The following KDM3A variants were observed in gnomAD, a reference collection of about 807,000 sequenced individuals.
KDM3A encodes lysine demethylase 3A, also known as lysine-specific demethylase 3A.
In KDM3A, 60 loss-of-function variants were observed where a neutral mutation model predicts 158.0. That is an observed-to-expected ratio of 0.38 (90% CI 0.31 to 0.47). The LOEUF (loss-of-function observed/expected upper bound fraction) is 0.47. KDM3A is among the 20% of genes least tolerant of loss of function. The probability of loss-of-function intolerance (pLI) is 0.99; values close to 1 mark genes in which losing one functional copy is unlikely to be tolerated. For missense variants in KDM3A, 1,319 were observed against 1,574.3 expected, an observed-to-expected ratio of 0.84 and a Z score of 2.74; for synonymous variants, 608 against 549.3, an observed-to-expected ratio of 1.11 and a Z score of -1.49.
intron 2 of KDM3A, among the ~76,000 whole-genome samples, chr2:86,447,061 C>T (rs1682985207): frequency 6.6e-6 from 1 of 152,230 alleles, no homozygotes; most frequent in Non-Finnish European, 1.5e-5. Context: ...ATCCTCCTGT[C>T]TTGGCCTCCC....
Position 86,455,093 on chromosome 2 carries a change from C to T in KDM3A, c.462C>T (p.Asn154=), listed in dbSNP as rs567690611. The part of the protein sequence containing the change: ...KDLLKPIQDV[N]SLRLSLTDNQ... ...GATCTTTCATTTTTCAGGATGTAAA[C>T]AGTCTTCGACTTTCTCTTACGGATA... The change falls in exon 5 of 26, where the codon AAC becomes AAT. Residue 154 remains asparagine, a synonymous_variant. Transcript: ENST00000312912. 4 of 1,572,710 alleles carry T rather than the reference C, an allele frequency of 2.5e-6. 1 individual carries two copies. Among genetic ancestry groups the T allele is most frequent in the African/African-American group, 2.7e-5 (2 of 72,860 alleles).
Position 86,482,543 on chromosome 2 carries a change from C to T in KDM3A, c.2771C>T (p.Ser924Phe). The T allele has an allele frequency of 6.2e-7, 1 of 1,614,154 alleles. No individual in the cohort carries two copies. Among genetic ancestry groups the T allele is most frequent in the Non-Finnish European group, 8.5e-7 (1 of 1,180,018 alleles). ...CAAAATAAGACGACTTCTGATTTAT[C>T]TAAGAGGCCTCAAGGACTAACCATC... ...LVQNKTTSDL[S>F]KRPQGLTIKP... Residue 924 changes from serine to phenylalanine, a missense_variant, in exon 18 of 26, where the codon TCT becomes TTT. Around this residue, in one of 4 missense-constraint regions of KDM3A, gnomAD observed 368 missense variants for 415.8 expected, o/e 0.89. Coordinates refer to ENST00000312912, the MANE Select transcript of KDM3A (RefSeq NM_018433.6).
At chr2:86,459,582 T>C (rs1171524484) in intron 8 of KDM3A, among the ~76,000 whole-genome samples, 1 of 152,122 alleles carries the variant, frequency 6.6e-6, no homozygotes, top group Admixed American at 6.6e-5. Context: ...CAAGCAGAAC[T>C]GAGGTCAGTG....
intron 12 of KDM3A, among the ~76,000 whole-genome samples, chr2:86,476,165 T>C (rs1573192781): frequency 6.6e-6 from 1 of 152,222 alleles, no homozygotes; most frequent in Admixed American, 6.5e-5. Context: ...TTATTAAATA[T>C]ATTTAAGTAA....
chr2:86,482,534 C>G lies in KDM3A; in HGVS notation c.2762C>G (p.Ser921Cys), dbSNP rs1411470796. 1 of 1,614,208 alleles carries G rather than the reference C, an allele frequency of 6.2e-7. No homozygotes were observed. ...FASLVQNKTT[S>C]DLSKRPQGLT... ...TCTTTGGTGCAAAATAAGACGACTT[C>G]TGATTTATCTAAGAGGCCTCAAGGA... The change falls in exon 18 of 26, where the codon TCT (serine) becomes TGT (cysteine). Residue 921 changes from serine (S) to cysteine (C), a missense_variant. By Grantham distance (112) the Ser-to-Cys change is moderately radical (BLOSUM62 -1). Transcript: ENST00000312912.
Position 86,480,150 on chromosome 2 carries a change from T to C in KDM3A, c.2317-17T>C. 2 of 1,603,796 alleles carry C rather than the reference T, an allele frequency of 1.2e-6. No individual in the cohort carries two copies. Among genetic ancestry groups the C allele is most frequent in the Non-Finnish European group, 1.7e-6 (2 of 1,173,004 alleles). On this transcript the variant is annotated splice_polypyrimidine_tract_variant and intron_variant, in intron 15 of 25. Coordinates refer to ENST00000312912, the MANE Select transcript of KDM3A (RefSeq NM_018433.6). ...TTCTTCAGCTTATGTAAAATCGTCC[T>C]TTAATGCTTAACACAGACTTCTTTA...
chr2:86,452,147 T>C (rs1194796116), intron 4 of KDM3A, among the ~76,000 whole-genome samples: 1 of 151,946 alleles, frequency 6.6e-6, no homozygotes, highest in East Asian at 1.9e-4. Context: ...TCACTTATGC[T>C]GTAAACAGGT....
upstream of KDM3A, among the ~76,000 whole-genome samples, chr2:86,437,525 G>T (rs1027264188): frequency 1.3e-5 from 2 of 152,070 alleles, no homozygotes; most frequent in African/African-American, 4.8e-5. Flanking sequence ...GAAATATGTC[G>T]ATCACAAACT....
chr2:86,441,706 G>C (rs1279877630), intron 1 of KDM3A, among the ~76,000 whole-genome samples: 5 of 151,100 alleles, frequency 3.3e-5, no homozygotes, highest in Non-Finnish European at 5.9e-5. Flanking sequence ...TTTCTTTTCG[G>C]GGCTGGGGGC....
chr2:86,441,882 G>C (rs1158164475), intron 1 of KDM3A, 136 bp from the exon 2 acceptor site: 2 of 441,296 alleles, frequency 4.5e-6, no homozygotes, highest in African/African-American at 2.1e-5. Flanking sequence ...GGGCGCAGGA[G>C]GGGGGCTCGG....
At chr2:86,491,396 A>T (rs77936006) in intron 25 of KDM3A, 121 bp downstream of exon 25, 37,146 of 969,082 alleles carry the variant, frequency 0.038, 911 homozygotes, top group Middle Eastern at 0.051. Flanking sequence ...CAGTGAGTCG[A>T]GGAACTTGCT....
intron 11 of KDM3A, among the ~76,000 whole-genome samples, 172 bp from the exon 12 acceptor site, chr2:86,474,604 C>T (rs1673566551): frequency 6.7e-6 from 1 of 148,472 alleles, no homozygotes; most frequent in Admixed American, 6.8e-5. Flanking sequence ...GCAGAGGTTG[C>T]AGTGAGCCGA....
chr2:86,478,903 C>G (rs1673793145), intron 15 of KDM3A, 168 bp downstream of exon 15: 2 of 615,752 alleles, frequency 3.2e-6, no homozygotes, highest in East Asian at 5.9e-5. Flanking sequence ...GTTCAGAGAC[C>G]CGTTCTGACT....
chr2:86,442,156 C>T lies in KDM3A; in HGVS notation c.109C>T (p.Arg37Cys), dbSNP rs746917369. Residue 37 changes from arginine (R) to cysteine (C), a missense_variant, in exon 2 of 26, where the codon CGC (arginine) becomes TGC (cysteine). Arg to Cys is a radical substitution (Grantham distance 180, BLOSUM62 -3). Transcript: ENST00000312912. ...CAGCCACGACAGCTGGGACGTGGAG[C>T]GCGTCGCCGAGTGGCCCTGGCTCTC... ...DGSHDSWDVE[R>C]VAEWPWLSGT... The T allele has an allele frequency of 7.4e-6, 12 of 1,614,058 alleles. No individual in the cohort carries two copies. In the East Asian group the frequency reaches 1.6e-4, roughly 21 times the overall value.
At chr2:86,486,183 T>C (rs561958406) in intron 21 of KDM3A, among the ~76,000 whole-genome samples, 29 of 152,352 alleles carry the variant, frequency 1.9e-4, no homozygotes, top group African/African-American at 7.0e-4. Flanking sequence ...AATGTACTTT[T>C]ATTAGTGATT....
At chr2:86,439,114 T>C (rs1205105527), upstream of KDM3A, among the ~76,000 whole-genome samples, 1 of 152,040 alleles carries the variant, frequency 6.6e-6, no homozygotes, top group African/African-American at 2.4e-5. Flanking sequence ...TTATGGGTGG[T>C]ATTGAATATA....
intron 25 of KDM3A, 146 bp downstream of exon 25, chr2:86,491,421 A>G: frequency 2.8e-6 from 2 of 721,340 alleles, no homozygotes; most frequent in South Asian, 3.6e-5. Context: ...ATCTAGTACT[A>G]CTATCTACTT....
chr2:86,442,896 C>T (rs1001632620), intron 2 of KDM3A, among the ~76,000 whole-genome samples: 1 of 152,088 alleles, frequency 6.6e-6, no homozygotes, highest in African/African-American at 2.4e-5. Flanking sequence ...AAATACTGCA[C>T]TTGGACGCAT....
Position 86,474,989 on chromosome 2 carries a change from C to A in KDM3A, c.1938C>A (p.His646Gln). Residue 646 changes from histidine to glutamine, a missense_variant and splice_region_variant, in exon 12 of 26, where the codon CAC becomes CAA. By Grantham distance (24) the His-to-Gln change is conservative. This residue lies in a region of KDM3A where 113 missense variants were observed against 190.5 expected (regional missense o/e 0.59). Coordinates refer to ENST00000312912, the MANE Select transcript of KDM3A (RefSeq NM_018433.6). ...EKEAMSTIEP[H>Q]RQVAWKRAVK... ...AAGCTATGTCAACTATTGAGCCACA[C>A]AGTAAGAGCATCTCTTAGGGGGTAG... 6.2e-7 allele frequency: 1 copy of A among 1,612,522 alleles called. No individual in the cohort carries two copies. The highest frequency in any genetic ancestry group is 8.5e-7 in the Non-Finnish European group (1 of 1,178,702).
Sources: gnomAD v4.1 joint callset for allele counts (sites outside exome capture counted in the v4.1 genomes callset) on GRCh38, gnomAD v4.1.1 for gene constraint, gnomAD v4.1.1 regional missense constraint, MANE v1.5 for transcripts, NCBI Gene and HGNC (gene_info 2026-07-23, HGNC 2026-07-21) for gene names.